Variants in CRMP1 observed in about 807,000 individuals in gnomAD.
CRMP1 encodes dihydropyrimidinase-related protein 1.
In CRMP1, 19 loss-of-function variants were observed where a neutral mutation model predicts 68.3. The observed-to-expected ratio is 0.28, with a 90% CI of 0.19 to 0.41. The LOEUF is 0.41. Ranked by LOEUF, CRMP1 falls within the 10% of genes least tolerant of loss-of-function variation. CRMP1 has a pLI of 1.00. For synonymous variants in CRMP1, 439 were observed against 399.6 expected (o/e 1.10, Z -1.18); for missense variants, 791 against 967.4 (o/e 0.82, Z 2.42).
At chr4:5,852,736 G>T (rs56298651) in intron 4 of CRMP1, among the ~76,000 whole-genome samples, 25 of 152,296 alleles carry the variant, frequency 1.6e-4, no homozygotes, top group African/African-American at 4.8e-4. Context: ...CTGGGCTGGG[G>T]TGTGGGAGTA....
chr4:5,864,735 A>G (rs1713862909), intron 2 of CRMP1, among the ~76,000 whole-genome samples: 1 of 152,150 alleles, frequency 6.6e-6, no homozygotes, highest in African/African-American at 2.4e-5. Flanking sequence ...AGGGCCCACA[A>G]GGACAAATAA....
chr4:5,861,268 C>A lies in CRMP1; in HGVS notation c.471-58G>T. The A allele has an allele frequency of 1.3e-6, 2 of 1,523,514 alleles. No homozygotes were observed. Among genetic ancestry groups the A allele is most frequent in the Non-Finnish European group, 1.8e-6 (2 of 1,114,306 alleles). The allele number at this position is 1,523,514 out of a possible 1,614,324, so 94.4% of individuals were successfully genotyped here. A position where few individuals can be genotyped will look rare whatever the true frequency, so the allele number is the denominator to read the frequency against. ...TTAAAGGAAAAGTAGAATGGGCAGT[C>A]AACCCGCAGCTTCAGTTCCATGAAA... On this transcript the variant is annotated intron_variant, in intron 2 of 13. Transcript: ENST00000324989. The surrounding 1 kb of genome is among the most constrained non-coding windows in gnomAD (Gnocchi z 6.0).
rs1463071659 is a variant in CRMP1 at position 5,890,525 on chromosome 4, C to G, written c.381+2064G>C. Reference sequence around the variant, plus strand: ...AACCCAAGCCTCAAGGCCGCTCTGCCGGCAGAAAGTAAAACCCTCCCTCCG... The same window carrying G: ...AACCCAAGCCTCAAGGCCGCTCTGCGGGCAGAAAGTAAAACCCTCCCTCCG... On this transcript the variant is annotated intron_variant, in intron 1 of 13. Coordinates refer to ENST00000324989, the MANE Select transcript of CRMP1 (RefSeq NM_001014809.3). The surrounding 1 kb of genome is among the most constrained non-coding windows in gnomAD (Gnocchi z 5.5). 6.6e-6 allele frequency among the ~76,000 whole-genome samples: 1 copy of G among 152,240 alleles called. No homozygotes were observed.
chr4:5,880,882 A>G (rs1237064907), intron 1 of CRMP1, among the ~76,000 whole-genome samples: 1 of 152,196 alleles, frequency 6.6e-6, no homozygotes, highest in Non-Finnish European at 1.5e-5. Context: ...TCACTCACAC[A>G]GTGTGGCATC....
At position 5,821,798 on chromosome 4, in the gene CRMP1, G is replaced by C. The variant is rs1387354245; in HGVS notation, c.2023C>G (p.Pro675Ala). The C allele has an allele frequency of 5.0e-6, 8 of 1,611,594 alleles. No homozygotes were observed. Among genetic ancestry groups the C allele is most frequent in the Non-Finnish European group, 6.8e-6 (8 of 1,179,214 alleles). ...GTGATGTTGGAGCGGCCACCAGGGG[G>C]CGCCACGATGCGGTGGCCGGTGCGC... ...PRRTGHRIVA[P>A]PGGRSNITSL... The change falls in exon 14 of 14, where the codon CCC (proline) becomes GCC (alanine). Residue 675 changes from proline to alanine, a missense_variant. Transcript: ENST00000324989. This position sits in a 1 kb window ranked among gnomAD's most constrained non-coding sequence, Gnocchi z 4.4.
At chr4:5,837,420 C>G (rs908202056) in intron 9 of CRMP1, among the ~76,000 whole-genome samples, 1 of 147,656 alleles carries the variant, frequency 6.8e-6, no homozygotes, top group Non-Finnish European at 1.5e-5. Context: ...GTCAGGAGAT[C>G]GGGACCAGCC....
At chr4:5,828,993 G>A (rs1482576283) in intron 11 of CRMP1, among the ~76,000 whole-genome samples, 1 of 151,966 alleles carries the variant, frequency 6.6e-6, no homozygotes, top group Non-Finnish European at 1.5e-5. Context: ...TAAGTAAAAT[G>A]TTCTTCATTT....
Position 5,862,719 on chromosome 4 carries a change from C to T in CRMP1, c.471-1509G>A, listed in dbSNP as rs186124435. On this transcript the variant is annotated intron_variant, in intron 2 of 13. Coordinates refer to ENST00000324989, the MANE Select transcript of CRMP1 (RefSeq NM_001014809.3). ...GTCTACACATGGGCACGGACCTACACGTGAGTGTCAGCGGAATCACAGCTC... is the reference window on the plus strand; with the variant it reads ...GTCTACACATGGGCACGGACCTACATGTGAGTGTCAGCGGAATCACAGCTC... 4.3e-4 allele frequency among the ~76,000 whole-genome samples: 65 copies of T among 152,308 alleles called. 1 individual carries two copies. The highest frequency in any genetic ancestry group is 1.8e-3 in the Admixed American group (28 of 15,304).
In CRMP1 at chr4:5,846,757, A is replaced by ATTTTTTTT. The variant is rs71171490; in HGVS notation, c.963+2627_963+2634dup. Among the ~76,000 whole-genome samples the ATTTTTTTT allele has an allele frequency of 3.9e-4, 21 of 53,740 alleles. 1 individual carries two copies. The highest frequency in any genetic ancestry group is 2.1e-3 in the African/African-American group (19 of 9,180). 35.3% of individuals were successfully genotyped at this position (53,740 alleles called of 152,430 possible). A position where few individuals can be genotyped will look rare whatever the true frequency, so the allele number is the denominator to read the frequency against. ...AGGCACCCGCCACCATGCCCGGCTA[A>ATTTTTTTT]TTTTTTTTTTTTTTTTTTTTTTTTT... On this transcript the variant is annotated intron_variant, in intron 6 of 13. Transcript: ENST00000324989.
At chr4:5,887,966 T>TG (rs1422329413) in intron 1 of CRMP1, among the ~76,000 whole-genome samples, 2 of 151,644 alleles carry the variant, frequency 1.3e-5, no homozygotes, top group African/African-American at 4.8e-5. Flanking sequence ...GCACATCCCG[T>TG]GGGGGGAGGG....
In CRMP1 at chr4:5,856,232, T is replaced by G. The variant is rs1202824412; in HGVS notation, c.731A>C (p.Lys244Thr). ...GTGGAGGGAGTAATCACAGCAGGAT[T>G]TGGTGTCAGCTGCTTCGTGCCACTT... ...FEKWHEAADTKSCCDYSLHVD... is the reference protein window; with the variant it reads ...FEKWHEAADTTSCCDYSLHVD... The change falls in exon 4 of 14, where the codon AAA (lysine) becomes ACA (threonine). Residue 244 changes from lysine to threonine, a missense_variant. Transcript: ENST00000324989. 1 of 1,613,902 alleles carries G rather than the reference T, an allele frequency of 6.2e-7. No individual in the cohort carries two copies. The highest frequency in any genetic ancestry group is 8.5e-7 in the Non-Finnish European group (1 of 1,179,918).
Position 5,866,629 on chromosome 4 carries a change from G to A in CRMP1, c.470+39C>T, listed in dbSNP as rs376949942. 1.0e-4 allele frequency: 156 copies of A among 1,503,864 alleles called. 1 individual carries two copies. The highest frequency in any genetic ancestry group is 2.2e-4 in the Middle Eastern group (1 of 4,598). 93.2% of individuals were successfully genotyped at this position (1,503,864 alleles called of 1,614,324 possible). A position where few individuals can be genotyped will look rare whatever the true frequency, so the allele number is the denominator to read the frequency against. On this transcript the variant is annotated intron_variant, in intron 2 of 13. Coordinates refer to ENST00000324989, the MANE Select transcript of CRMP1 (RefSeq NM_001014809.3). The surrounding 1 kb of genome is among the most constrained non-coding windows in gnomAD (Gnocchi z 5.9). Reference sequence around the variant, plus strand: ...TCCATCTAAGGCCAGGCAGCCTGGCGACACAGGTTTCTTAAAAGGTCCGTT... The same window carrying A: ...TCCATCTAAGGCCAGGCAGCCTGGCAACACAGGTTTCTTAAAAGGTCCGTT...
At chr4:5,831,813 GTAAAAATT>G (rs1720399190) in intron 11 of CRMP1, among the ~76,000 whole-genome samples, 1 of 152,154 alleles carries the variant, frequency 6.6e-6, no homozygotes, top group Non-Finnish European at 1.5e-5. Flanking sequence ...TACAAACAAT[GTAAAAATT>G]TAAACAACAC....
rs750157680 is a variant in CRMP1, at chr4:5,841,318, G to A, written c.1143C>T (p.Ala381=). The change falls in exon 8 of 14, where the codon GCC becomes GCT. Residue 381 remains alanine (A), a synonymous_variant. Transcript: ENST00000324989. The surrounding 1 kb of genome is among the most constrained non-coding windows in gnomAD (Gnocchi z 6.9). ...GGGCCGGCTGCATACCTTTCTTCCT[G>A]GCCAGAGCGATGATGTCGGCTGCAC... ...SKSAADIIAL[A]RKKGPLVFGE... The A allele has an allele frequency of 1.2e-6, 2 of 1,613,878 alleles. No homozygotes were observed.
chr4:5,851,831 A>AGAAGG, intron 4 of CRMP1, among the ~76,000 whole-genome samples: 1 of 127,572 alleles, frequency 7.8e-6, no homozygotes, highest in African/African-American at 3.1e-5. Context: ...AGGAGAAAGA[A>AGAAGG]GGAGAAGGGG....
intron 11 of CRMP1, among the ~76,000 whole-genome samples, chr4:5,835,422 C>T (rs1159461466): frequency 6.6e-6 from 1 of 152,188 alleles, no homozygotes; most frequent in Non-Finnish European, 1.5e-5. Flanking sequence ...AGATACAAAG[C>T]AGAGAAGGCC....
chr4:5,830,747 C>T (rs957308465), intron 11 of CRMP1, among the ~76,000 whole-genome samples: 8 of 152,154 alleles, frequency 5.3e-5, no homozygotes, highest in Admixed American at 4.6e-4. Flanking sequence ...CTGATACCCC[C>T]GGGCCCAGTC....
At position 5,859,533 on chromosome 4, in the gene CRMP1, T is replaced by C. The variant is rs770385069; in HGVS notation, c.655+1493A>G. On this transcript the variant is annotated intron_variant, in intron 3 of 13. Coordinates refer to ENST00000324989, the MANE Select transcript of CRMP1 (RefSeq NM_001014809.3). This position sits in a 1 kb window ranked among gnomAD's most constrained non-coding sequence, Gnocchi z 5.2. ...TCTCATGTACGTCTCCAAACCACCC[T>C]AGGCACTTCCCACCATAAGGCCCAC... Among the ~76,000 whole-genome samples, 2 of 152,280 alleles carry C rather than the reference T, an allele frequency of 1.3e-5. No individual in the cohort carries two copies. Among genetic ancestry groups the C allele is most frequent in the Non-Finnish European group, 2.9e-5 (2 of 68,018 alleles).
intron 1 of CRMP1, among the ~76,000 whole-genome samples, chr4:5,868,969 C>T (rs79693497): frequency 0.021 from 3,178 of 151,498 alleles, 93 homozygotes; most frequent in African/African-American, 0.066. Context: ...TTCTTTTTTT[C>T]GAGACAGAGT....
Sources: allele counts gnomAD v4.1 joint callset (sites outside exome capture counted in the v4.1 genomes callset), GRCh38; gene constraint gnomAD v4.1.1; non-coding constraint Gnocchi (gnomAD v3.1); transcripts MANE v1.5; gene names NCBI Gene and HGNC (gene_info 2026-07-23, HGNC 2026-07-21).